The following SLC44A5 variants were observed in gnomAD, a reference collection of about 807,000 sequenced individuals.
SLC44A5 encodes solute carrier family 44 member 5.
A neutral mutation model predicts 101.8 loss-of-function variants in SLC44A5; 57 were observed. The observed-to-expected ratio is 0.56, with a 90% confidence interval of 0.45 to 0.70. The LOEUF (loss-of-function observed/expected upper bound fraction) is 0.70. Among genes scored for constraint, SLC44A5 ranks in the 30% least tolerant of loss-of-function variants. The pLI, the probability that SLC44A5 is intolerant of heterozygous loss-of-function variation, is 0.00. For missense variants in SLC44A5, 737 were observed against 853.1 expected, an observed-to-expected ratio of 0.86 and a Z score of 1.70; for synonymous variants, 281 against 290.9, an observed-to-expected ratio of 0.97 and a Z score of 0.35.
intron 2 of SLC44A5, among the ~76,000 whole-genome samples, chr1:75,528,076 C>T (rs1197074667): frequency 2.0e-5 from 3 of 152,170 alleles, no homozygotes; most frequent in Non-Finnish European, 4.4e-5. Flanking sequence ...AAGCCTCCTT[C>T]CCTCTGGGAA....
At chr1:75,569,856 C>A (rs1672982075) in intron 1 of SLC44A5, among the ~76,000 whole-genome samples, 1 of 152,090 alleles carries the variant, frequency 6.6e-6, no homozygotes, top group African/African-American at 2.4e-5. Flanking sequence ...ATACCACAAG[C>A]AATTTATATG....
chr1:75,575,298 C>T (rs914525520), intron 1 of SLC44A5, among the ~76,000 whole-genome samples: 1 of 152,136 alleles, frequency 6.6e-6, no homozygotes, highest in African/African-American at 2.4e-5. Context: ...GACTTTAACA[C>T]TTTAGTTTAA....
At chr1:75,352,297 C>G (rs568233615) in intron 3 of SLC44A5, among the ~76,000 whole-genome samples, 1 of 152,034 alleles carries the variant, frequency 6.6e-6, no homozygotes, top group East Asian at 1.9e-4. Context: ...ACAGATCAAC[C>G]CATCACCCGG....
At chr1:75,422,547 C>T (rs891506647) in intron 2 of SLC44A5, among the ~76,000 whole-genome samples, 4 of 152,034 alleles carry the variant, frequency 2.6e-5, no homozygotes, top group Admixed American at 2.0e-4. Context: ...TATCCTGCAC[C>T]AACTGATACC....
chr1:75,391,662 T>C (rs1661797958), intron 3 of SLC44A5, among the ~76,000 whole-genome samples: 1 of 152,180 alleles, frequency 6.6e-6, no homozygotes, highest in Non-Finnish European at 1.5e-5. Context: ...GGTAGCTGGC[T>C]ATCCATATGC....
At chr1:75,702,625 G>A in the SLC44A5 span, among the ~76,000 whole-genome samples, 13 of 152,124 alleles carry the variant, frequency 8.5e-5, no homozygotes, top group South Asian at 2.1e-4. Context: ...TAAAACACCA[G>A]AAGCAATGGC....
chr1:75,494,039 C>G (rs1432361093), intron 2 of SLC44A5, among the ~76,000 whole-genome samples: 1 of 152,170 alleles, frequency 6.6e-6, no homozygotes, highest in Non-Finnish European at 1.5e-5. Flanking sequence ...TGTTTGTCCT[C>G]TCCAAAACTC....
At chr1:75,715,334 C>T in the SLC44A5 span, among the ~76,000 whole-genome samples, 1 of 152,018 alleles carries the variant, frequency 6.6e-6, no homozygotes, top group Non-Finnish European at 1.5e-5. Flanking sequence ...GCCCAAATAG[C>T]CAGGGCAACC....
intron 12 of SLC44A5, 65 bp downstream of exon 12, chr1:75,233,921 T>A: frequency 1.7e-6 from 2 of 1,200,920 alleles, no homozygotes; most frequent in South Asian, 2.6e-5. Flanking sequence ...TGGTAACTGA[T>A]AACAGCGATT....
chr1:75,254,960 C>T (rs1365748372), intron 6 of SLC44A5, among the ~76,000 whole-genome samples: 2 of 152,140 alleles, frequency 1.3e-5, no homozygotes, highest in South Asian at 2.1e-4. Context: ...TTGTGTTGGG[C>T]TGCACTGAAT....
At chr1:75,570,053 G>T (rs1445763696) in intron 1 of SLC44A5, among the ~76,000 whole-genome samples, 1 of 152,156 alleles carries the variant, frequency 6.6e-6, no homozygotes, top group Non-Finnish European at 1.5e-5. Context: ...AGAAGCTGAG[G>T]TGTTTGTTCA....
rs549570638 is a variant in SLC44A5 at position 75,321,458 on chromosome 1, G to C, written c.101+18124C>G. Among the ~76,000 whole-genome samples the C allele has an allele frequency of 9.3e-3, 1,359 of 145,934 alleles. 20 individuals are homozygous for C. The highest frequency in any genetic ancestry group is 0.036 in the African/African-American group (1,282 of 35,666). On this transcript the variant is annotated intron_variant, in intron 4 of 23. Coordinates refer to ENST00000370859, the MANE Select transcript of SLC44A5 (RefSeq NM_001130058.2). ...GCTGTATTGTTATATGGCAGAGAGAGAGAGAGAGAGAGAGAGAGAGAGATC... is the reference window on the plus strand; with the variant it reads ...GCTGTATTGTTATATGGCAGAGAGACAGAGAGAGAGAGAGAGAGAGAGATC...
At chr1:75,529,999 T>G (rs1428097307) in intron 2 of SLC44A5, among the ~76,000 whole-genome samples, 1 of 152,134 alleles carries the variant, frequency 6.6e-6, no homozygotes, top group African/African-American at 2.4e-5. Context: ...GGAGAAAACT[T>G]CCTTTAAAAA....
Position 75,568,224 on chromosome 1 carries a change from A to G in SLC44A5, c.-69-26708T>C, listed in dbSNP as rs548087868. ...TGGGCACTAAAAGTCTTTCAGTTAC[A>G]CTCAAGGATTTATTATCAATAAAGA... On this transcript the variant is annotated intron_variant, in intron 1 of 23. Transcript: ENST00000370859. Among the ~76,000 whole-genome samples, 3 of 152,302 alleles carry G rather than the reference A, an allele frequency of 2.0e-5. No homozygotes were observed. In the East Asian group the frequency reaches 5.8e-4, roughly 29 times the overall value.
chr1:75,287,426 C>CTTTTTTTTTTTTTT lies in SLC44A5; in HGVS notation c.176-12398_176-12385dup, dbSNP rs371647505. Among the ~76,000 whole-genome samples the CTTTTTTTTTTTTTT allele has an allele frequency of 6.3e-4, 44 of 69,906 alleles. 2 individuals are homozygous for CTTTTTTTTTTTTTT. Among genetic ancestry groups the CTTTTTTTTTTTTTT allele is most frequent in the East Asian group, 1.6e-3 (3 of 1,872 alleles). 45.9% of individuals were successfully genotyped at this position (69,906 alleles called of 152,430 possible). ...AGCTTAATAATTGACCTTCTGAATT[C>CTTTTTTTTTTTTTT]TTTTTTTTTTTTTTTTTTTTTTTGG... On this transcript the variant is annotated intron_variant, in intron 5 of 23. Transcript: ENST00000370859.
the SLC44A5 span, among the ~76,000 whole-genome samples, chr1:75,664,698 G>A: frequency 4.6e-5 from 7 of 152,080 alleles, no homozygotes; most frequent in African/African-American, 1.4e-4. Context: ...GAGGCAAGTG[G>A]ACCACAAGGT....
At chr1:75,696,677 C>G in the SLC44A5 span, among the ~76,000 whole-genome samples, 1 of 151,866 alleles carries the variant, frequency 6.6e-6, no homozygotes, top group Admixed American at 6.6e-5. Flanking sequence ...GGGGAGACCA[C>G]GAGGTCAGGA....
At chr1:75,418,986 T>C (rs961554318) in intron 2 of SLC44A5, among the ~76,000 whole-genome samples, 2 of 152,074 alleles carry the variant, frequency 1.3e-5, no homozygotes, top group Non-Finnish European at 2.9e-5. Flanking sequence ...TCCCAGATTA[T>C]TGCCTGGAAG....
the SLC44A5 span, among the ~76,000 whole-genome samples, chr1:75,690,193 GAGGCCTCAGGAAA>G: frequency 8.1e-4 from 123 of 152,264 alleles, 1 homozygote; most frequent in African/African-American, 2.9e-3. Flanking sequence ...CATGACTGGT[GAGGCCTCAGGAAA>G]CTTACAATCA....
Sources: gnomAD v4.1 joint callset for allele counts (sites outside exome capture counted in the v4.1 genomes callset) on GRCh38, gnomAD v4.1.1 for gene constraint, MANE v1.5 for transcripts, NCBI Gene and HGNC (gene_info 2026-07-23, HGNC 2026-07-21) for gene names.